CDC73: variants seen among roughly 807,000 people sequenced by gnomAD.
The protein encoded by CDC73 is parafibromin.
A neutral mutation model predicts 83.7 loss-of-function variants in CDC73; 21 were observed. The ratio of observed to expected loss-of-function variants is 0.25; its 90% CI spans 0.18 to 0.36. The LOEUF is 0.36. Among genes scored for constraint, CDC73 ranks in the 10% least tolerant of loss-of-function variants. The pLI is 1.00. For missense variants in CDC73, 342 were observed against 653.3 expected (o/e 0.52, Z 5.19); for synonymous variants, 224 against 212.9 (o/e 1.05, Z -0.45).
intron 16 of CDC73, 51 bp downstream of exon 16, chr1:193,249,922 G>A: frequency 6.3e-7 from 1 of 1,584,132 alleles, no homozygotes; most frequent in Non-Finnish European, 8.7e-7. Flanking sequence ...TAATTTTTCT[G>A]TCTCAGTTAA....
At chr1:193,221,821 T>C (rs1256972338) in intron 13 of CDC73, among the ~76,000 whole-genome samples, 1 of 152,190 alleles carries the variant, frequency 6.6e-6, no homozygotes, top group Non-Finnish European at 1.5e-5. Context: ...TAACACCTCA[T>C]TGCAACTGAC....
intron 15 of CDC73, among the ~76,000 whole-genome samples, chr1:193,239,571 C>T (rs1243181459): frequency 2.6e-5 from 4 of 151,902 alleles, no homozygotes; most frequent in African/African-American, 4.8e-5. Flanking sequence ...TTATACTTGA[C>T]GTGGCTATAT....
At chr1:193,221,058 A>G (rs149766840) in intron 13 of CDC73, among the ~76,000 whole-genome samples, 167 of 152,242 alleles carry the variant, frequency 1.1e-3, no homozygotes, top group African/African-American at 3.7e-3. Context: ...CTAAATTATG[A>G]TTTCTTCAGA....
intron 10 of CDC73, among the ~76,000 whole-genome samples, chr1:193,195,286 T>C (rs2103171296): frequency 6.6e-6 from 1 of 152,228 alleles, no homozygotes; most frequent in East Asian, 1.9e-4. Context: ...CCTATTTCGT[T>C]TAGCGTAATG....
chr1:193,251,261 T>C lies in CDC73; in HGVS notation c.*549T>C, dbSNP rs1047801376. ...AATCTAGATCAATTCTTCAATTTGATTGAACTGTTCAGCCTTTTCAAGATT... is the reference window on the plus strand; with the variant it reads ...AATCTAGATCAATTCTTCAATTTGACTGAACTGTTCAGCCTTTTCAAGATT... On this transcript the variant is annotated 3_prime_UTR_variant, in exon 17 of 17. Transcript: ENST00000367435. 10 of 232,464 alleles carry C rather than the reference T, an allele frequency of 4.3e-5. No individual in the cohort carries two copies. Among genetic ancestry groups the C allele is most frequent in the Non-Finnish European group, 7.7e-5 (9 of 117,402 alleles). The allele number at this position is 232,464 out of a possible 1,614,324, so 14.4% of individuals were successfully genotyped here. A position where few individuals can be genotyped will look rare whatever the true frequency, so the allele number is the denominator to read the frequency against.
chr1:193,205,351 A>T (rs1677171641), intron 11 of CDC73, among the ~76,000 whole-genome samples: 1 of 152,074 alleles, frequency 6.6e-6, no homozygotes, highest in Non-Finnish European at 1.5e-5. Flanking sequence ...ATCCTCATTC[A>T]TAGTATGTAC....
At chr1:193,227,099 C>T (rs1026013632) in intron 13 of CDC73, among the ~76,000 whole-genome samples, 1 of 151,692 alleles carries the variant, frequency 6.6e-6, no homozygotes, top group African/African-American at 2.4e-5. Flanking sequence ...CTAGTTTTTG[C>T]ATGTAAAGTT....
chr1:193,238,423 T>G (rs1316350836), intron 15 of CDC73, among the ~76,000 whole-genome samples: 9 of 152,228 alleles, frequency 5.9e-5, no homozygotes, highest in African/African-American at 1.9e-4. Flanking sequence ...CTGTTTTCAC[T>G]GAAGTCACCA....
intron 10 of CDC73, among the ~76,000 whole-genome samples, chr1:193,162,966 C>T (rs573917187): frequency 1.4e-4 from 22 of 152,014 alleles, no homozygotes; most frequent in Non-Finnish European, 2.8e-4. Flanking sequence ...CTATAGATGG[C>T]TTTTAGAAAA....
At chr1:193,227,392 G>A (rs1396621826) in intron 13 of CDC73, among the ~76,000 whole-genome samples, 2 of 151,894 alleles carry the variant, frequency 1.3e-5, no homozygotes, top group Admixed American at 1.3e-4. Context: ...AGCACTTTGG[G>A]AGGCTGAGGT....
At chr1:193,175,510 G>A (rs1676585690) in intron 10 of CDC73, among the ~76,000 whole-genome samples, 3 of 152,264 alleles carry the variant, frequency 2.0e-5, no homozygotes, top group Middle Eastern at 6.8e-3. Context: ...TTCCACATCC[G>A]TAGATTTAAC....
At position 193,150,321 on chromosome 1, in the gene CDC73, C is replaced by T; in HGVS notation, c.846C>T (p.Thr282=). The T allele has an allele frequency of 6.2e-7, 1 of 1,612,000 alleles. No homozygotes were observed. Among genetic ancestry groups the T allele is most frequent in the Non-Finnish European group, 8.5e-7 (1 of 1,178,104 alleles). The change falls in exon 9 of 17, where the codon ACC becomes ACT. Residue 282 remains threonine, a synonymous_variant. Transcript: ENST00000367435. The stretch of plus-strand genomic sequence containing the variant: ...TTTTACAGGATCCCACTTTGCGCAC[C>T]AAACAGCCTATCCCAGCTGCCTATA... ...NAAPVDPTLR[T]KQPIPAAYNR...
At chr1:193,125,017 C>T in intron 1 of CDC73, 95 bp from the exon 2 acceptor site, 2 of 745,742 alleles carry the variant, frequency 2.7e-6, no homozygotes, top group South Asian at 2.8e-5. Flanking sequence ...ATGTTAAACT[C>T]ATTGTTGTTA....
intron 11 of CDC73, among the ~76,000 whole-genome samples, chr1:193,209,876 C>G (rs1457169440): frequency 6.6e-6 from 1 of 152,058 alleles, no homozygotes; most frequent in Non-Finnish European, 1.5e-5. Flanking sequence ...CTCTCTTCCT[C>G]TCCCCCCTCT....
intron 10 of CDC73, among the ~76,000 whole-genome samples, chr1:193,157,456 T>G (rs1676227519): frequency 1.3e-5 from 2 of 152,294 alleles, no homozygotes; most frequent in South Asian, 4.1e-4. Flanking sequence ...TAAGTTTTTA[T>G]CTTATTCACC....
chr1:193,223,186 CATG>C (rs1677502011), intron 13 of CDC73, among the ~76,000 whole-genome samples: 1 of 151,762 alleles, frequency 6.6e-6, no homozygotes, highest in Admixed American at 6.6e-5. Flanking sequence ...TTGTTTCATA[CATG>C]ATAACTTGTT....
At chr1:193,127,754 G>A (rs1675604560) in intron 2 of CDC73, 1 of 151,000 alleles carries the variant, frequency 6.6e-6, no homozygotes, top group Admixed American at 6.6e-5. Flanking sequence ...AAAATTCTAT[G>A]AATTCGAGAT....
intron 10 of CDC73, among the ~76,000 whole-genome samples, chr1:193,156,367 A>G (rs1440136963): frequency 6.6e-6 from 1 of 152,226 alleles, no homozygotes; most frequent in Non-Finnish European, 1.5e-5. Flanking sequence ...TTGCGGAAGC[A>G]TCTCACACCC....
intron 2 of CDC73, among the ~76,000 whole-genome samples, chr1:193,128,387 G>A (rs1572145181): frequency 1.3e-5 from 2 of 151,674 alleles, no homozygotes; most frequent in South Asian, 2.1e-4. Context: ...TTACCCTCCC[G>A]GGCTCAAGTT....
Sources: allele counts gnomAD v4.1 joint callset (sites outside exome capture counted in the v4.1 genomes callset), GRCh38; gene constraint gnomAD v4.1.1; transcripts MANE v1.5; gene names NCBI Gene and HGNC (gene_info 2026-07-23, HGNC 2026-07-21).